The following PTGER4 variants were observed in gnomAD, a reference collection of about 807,000 sequenced individuals.
PTGER4 encodes prostaglandin E receptor 4.
PTGER4 carries 11 observed loss-of-function variants against 33.2 expected under a neutral mutation model. That is an observed-to-expected ratio of 0.33 (90% CI 0.21 to 0.55). The LOEUF is 0.55. PTGER4 is among the 20% of genes least tolerant of loss of function. The pLI, the probability that PTGER4 is intolerant of heterozygous loss-of-function variation, is 0.92. For synonymous variants in PTGER4, 275 were observed against 281.5 expected (o/e 0.98, Z 0.23); for missense variants, 481 against 650.2 (o/e 0.74, Z 2.83).
chr5:40,740,071 T>C, the PTGER4 span, among the ~76,000 whole-genome samples: 1 of 152,288 alleles, frequency 6.6e-6, no homozygotes, highest in Non-Finnish European at 1.5e-5. Flanking sequence ...CTAATAGCAA[T>C]ATAATTCCAT....
downstream of PTGER4, among the ~76,000 whole-genome samples, chr5:40,697,284 AAGAAAGAAAG>A (rs1304841617): frequency 3.1e-5 from 4 of 130,818 alleles, no homozygotes; most frequent in East Asian, 2.3e-4. Context: ...GAAAGAAAGA[AAGAAAGAAAG>A]AAAAAGAAAG....
At chr5:40,714,690 G>C in the PTGER4 span, 1 of 152,218 alleles carries the variant, frequency 6.6e-6, no homozygotes, top group South Asian at 2.1e-4. Flanking sequence ...ATAACTTAAG[G>C]AAAGAATATT....
At chr5:40,711,045 G>GAAAC in the PTGER4 span, among the ~76,000 whole-genome samples, 1 of 151,996 alleles carries the variant, frequency 6.6e-6, no homozygotes, top group African/African-American at 2.4e-5. Context: ...CCTGCACATT[G>GAAAC]TGCACATGTA....
At chr5:40,728,219 G>T in the PTGER4 span, 1 of 715,052 alleles carries the variant, frequency 1.4e-6, no homozygotes, top group Non-Finnish European at 2.0e-6. Flanking sequence ...AGGAGGCGGA[G>T]GTTGCCGTGA....
At chr5:40,730,434 T>G in the PTGER4 span, 1 of 974,122 alleles carries the variant, frequency 1.0e-6, no homozygotes, top group African/African-American at 1.6e-5. Context: ...AAATATAAAA[T>G]TTACCATCTT....
the PTGER4 span, chr5:40,715,821 A>T: frequency 4.8e-6 from 1 of 207,840 alleles, no homozygotes; most frequent in African/African-American, 2.3e-5. Flanking sequence ...AGTAACATTG[A>T]TCAAATTATT....
chr5:40,689,793 A>G (rs2111807897), intron 2 of PTGER4, among the ~76,000 whole-genome samples: 1 of 152,266 alleles, frequency 6.6e-6, no homozygotes, highest in African/African-American at 2.4e-5. Flanking sequence ...GTTTTTATGT[A>G]TCTTCCTTGA....
At chr5:40,688,082 G>T (rs563341404) in intron 2 of PTGER4, among the ~76,000 whole-genome samples, 31 of 152,242 alleles carry the variant, frequency 2.0e-4, no homozygotes, top group South Asian at 8.3e-4. Flanking sequence ...AACTCCTAAT[G>T]TACTTCTTTG....
the PTGER4 span, among the ~76,000 whole-genome samples, chr5:40,730,657 C>T: frequency 6.6e-6 from 1 of 152,134 alleles, no homozygotes; most frequent in Non-Finnish European, 1.5e-5. Flanking sequence ...TCAGGAGGAG[C>T]AGTCATGTAC....
Position 40,691,005 on chromosome 5 carries a change from A to G in PTGER4, c.868-774A>G, listed in dbSNP as rs894238351. The stretch of plus-strand genomic sequence containing the variant: ...TCAGAACATGTAATTGCATTTTTGC[A>G]GTGACTGGTTTTTATTTTTTTATTT... On this transcript the variant is annotated intron_variant, in intron 2 of 2. Coordinates refer to ENST00000302472, the MANE Select transcript of PTGER4 (RefSeq NM_000958.3). This position sits in a 1 kb window ranked among gnomAD's most constrained non-coding sequence, Gnocchi z 4.2. Among the ~76,000 whole-genome samples, 2 of 152,214 alleles carry G rather than the reference A, an allele frequency of 1.3e-5. No homozygotes were observed. Among genetic ancestry groups the G allele is most frequent in the African/African-American group, 4.8e-5 (2 of 41,452 alleles).
the PTGER4 span, among the ~76,000 whole-genome samples, chr5:40,740,581 A>G: frequency 2.6e-5 from 4 of 152,352 alleles, no homozygotes; most frequent in East Asian, 7.7e-4. Flanking sequence ...AACTGGAAGT[A>G]GCAGAAATAA....
chr5:40,733,830 A>G, the PTGER4 span, among the ~76,000 whole-genome samples: 1 of 152,234 alleles, frequency 6.6e-6, no homozygotes. Context: ...TAAGAGGTTC[A>G]AGGTGACAAT....
the PTGER4 span, among the ~76,000 whole-genome samples, chr5:40,701,808 T>TCC: frequency 2.0e-5 from 3 of 152,092 alleles, no homozygotes; most frequent in East Asian, 5.8e-4. Context: ...TACAAAGGGA[T>TCC]CCCCATCAGG....
chr5:40,711,926 C>G, the PTGER4 span, among the ~76,000 whole-genome samples: 3 of 152,074 alleles, frequency 2.0e-5, no homozygotes, highest in African/African-American at 7.2e-5. Flanking sequence ...TGGAGGGGAA[C>G]CAACTGCAAA....
the PTGER4 span, among the ~76,000 whole-genome samples, chr5:40,739,367 C>T: frequency 6.6e-6 from 1 of 152,150 alleles, no homozygotes; most frequent in African/African-American, 2.4e-5. Context: ...TAACAAAATA[C>T]TATCTTCCAA....
At chr5:40,728,572 TC>T in the PTGER4 span, 1 of 1,228,866 alleles carries the variant, frequency 8.1e-7, no homozygotes, top group Non-Finnish European at 1.1e-6. Context: ...ATATTTTTAG[TC>T]CAGTAAAAAT....
the PTGER4 span, among the ~76,000 whole-genome samples, chr5:40,716,889 A>G: frequency 6.6e-6 from 1 of 152,192 alleles, no homozygotes; most frequent in Non-Finnish European, 1.5e-5. Flanking sequence ...GATCCTAACA[A>G]TGTTAACATT....
chr5:40,680,233 GA>G lies in PTGER4; in HGVS notation c.-286del, dbSNP rs1292016771. ...TTGAAGGAAAAAAAATAGCGAGTAAGAAATCCAGCACCATTCTTCACTGACC... is the reference window on the plus strand; with the variant it reads ...TTGAAGGAAAAAAAATAGCGAGTAAGAATCCAGCACCATTCTTCACTGACC... On this transcript the variant is annotated 5_prime_UTR_variant, in exon 1 of 3. Coordinates refer to ENST00000302472, the MANE Select transcript of PTGER4 (RefSeq NM_000958.3). The surrounding 1 kb of genome is among the most constrained non-coding windows in gnomAD (Gnocchi z 5.5). 1.3e-5 allele frequency: 2 copies of G among 152,504 alleles called. No homozygotes were observed. The highest frequency in any genetic ancestry group is 2.9e-5 in the Non-Finnish European group (2 of 68,144). 9.4% of individuals were successfully genotyped at this position (152,504 alleles called of 1,614,324 possible).
chr5:40,707,409 G>A, the PTGER4 span, among the ~76,000 whole-genome samples: 1 of 151,974 alleles, frequency 6.6e-6, no homozygotes, highest in Non-Finnish European at 1.5e-5. Flanking sequence ...GACTTTAAAC[G>A]AACAAAGATC....
Sources: allele counts gnomAD v4.1 joint callset (sites outside exome capture counted in the v4.1 genomes callset), GRCh38; gene constraint gnomAD v4.1.1; non-coding constraint Gnocchi (gnomAD v3.1); transcripts MANE v1.5; gene names NCBI Gene and HGNC (gene_info 2026-07-23, HGNC 2026-07-21).